Variants in KIAA1614 observed in about 807,000 individuals in gnomAD.
KIAA1614 encodes the protein uncharacterized protein KIAA1614.
In KIAA1614, 76 loss-of-function variants were observed where a neutral mutation model predicts 88.7. That is an observed-to-expected ratio of 0.86 (90% CI 0.71 to 1.04). The LOEUF is 1.04. KIAA1614 is among the 50% of genes least tolerant of loss of function. The probability of loss-of-function intolerance (pLI) is 0.00; values close to 1 mark genes in which losing one functional copy is unlikely to be tolerated. For synonymous variants in KIAA1614, 714 were observed against 675.5 expected (o/e 1.06, Z -0.88); for missense variants, 1,553 against 1,582.5 (o/e 0.98, Z 0.32).
In KIAA1614 at chr1:180,950,441, G is replaced by C. The variant is rs753174162; in HGVS notation, c.*4853G>C. 1.6e-4 allele frequency: 192 copies of C among 1,188,810 alleles called. No individual in the cohort carries two copies. Among genetic ancestry groups the C allele is most frequent in the Non-Finnish European group, 1.2e-4 (114 of 938,106 alleles). 73.6% of individuals were successfully genotyped at this position (1,188,810 alleles called of 1,614,324 possible). On this transcript the variant is annotated 3_prime_UTR_variant, in exon 9 of 9. Coordinates refer to ENST00000367588, the MANE Select transcript of KIAA1614 (RefSeq NM_020950.2). ...CCTCGAGGTGAACGGGGCCAAGGTG[G>C]CAGGGCTGGGCTTGGCTCACATTAA...
chr1:180,918,107 G>A (rs1653861599), intron 3 of KIAA1614, among the ~76,000 whole-genome samples, 193 bp downstream of exon 3: 1 of 152,116 alleles, frequency 6.6e-6, no homozygotes, highest in South Asian at 2.1e-4. Context: ...CATCCCCCAG[G>A]CTGGTGCCTC....
At chr1:180,924,376 A>G (rs1455917654) in intron 3 of KIAA1614, among the ~76,000 whole-genome samples, 1 of 152,172 alleles carries the variant, frequency 6.6e-6, no homozygotes, top group African/African-American at 2.4e-5. Flanking sequence ...GTTCTCACCA[A>G]AGGGGCAGCC....
At chr1:180,930,992 AAAGGTGATGG>A (rs552506352) in intron 4 of KIAA1614, among the ~76,000 whole-genome samples, 243 of 152,334 alleles carry the variant, frequency 1.6e-3, no homozygotes, top group Non-Finnish European at 2.6e-3. Flanking sequence ...CAGCTTGGTG[AAAGGTGATGG>A]AAGAGGAGGG....
chr1:180,915,510 C>T (rs2102252160), intron 1 of KIAA1614, among the ~76,000 whole-genome samples: 1 of 152,354 alleles, frequency 6.6e-6, no homozygotes, highest in East Asian at 1.9e-4. Flanking sequence ...TCTGAAGCTT[C>T]ATTTTGCCCG....
At chr1:180,945,243 A>C in intron 8 of KIAA1614, 60 bp from the exon 9 acceptor site, 1 of 1,521,510 alleles carries the variant, frequency 6.6e-7, no homozygotes, top group Non-Finnish European at 8.8e-7. Context: ...TAAGCCAGGG[A>C]AGAGCTGTGC....
intron 3 of KIAA1614, among the ~76,000 whole-genome samples, chr1:180,923,998 C>T (rs1654012797): frequency 6.6e-6 from 1 of 152,118 alleles, no homozygotes; most frequent in Non-Finnish European, 1.5e-5. Flanking sequence ...AATGTAACCA[C>T]TCAACAGTGT....
In KIAA1614 at chr1:180,941,201, C is replaced by G. The variant is rs1654454582; in HGVS notation, c.3075C>G (p.Arg1025=). 1 of 1,613,892 alleles carries G rather than the reference C, an allele frequency of 6.2e-7. No homozygotes were observed. The highest frequency in any genetic ancestry group is 8.5e-7 in the Non-Finnish European group (1 of 1,179,984). Residue 1025 remains arginine (R), a synonymous_variant, in exon 7 of 9, where the codon CGC becomes CGG. Coordinates refer to ENST00000367588, the MANE Select transcript of KIAA1614 (RefSeq NM_020950.2). ...CCCGGCCCAAGCTGGGCAAGTCCCG[C>G]AGCTACAGTGTGGAGCAGTTGCAGC... The part of the protein sequence containing the change: ...QSSRPKLGKS[R]SYSVEQLQPA...
intron 4 of KIAA1614, among the ~76,000 whole-genome samples, chr1:180,934,786 G>A (rs1654278172): frequency 6.6e-6 from 1 of 152,106 alleles, no homozygotes; most frequent in Non-Finnish European, 1.5e-5. Flanking sequence ...CACCACCCCA[G>A]CAACACACAC....
Position 180,936,621 on chromosome 1 carries a change from G to A in KIAA1614, c.2712G>A (p.Arg904=), listed in dbSNP as rs1316373234. ...CCGTCCACGAGGGTAGGGTGGAGAGGGGCCCCTGCAGCCGGGAACCGGAGC... is the reference window on the plus strand; with the variant it reads ...CCGTCCACGAGGGTAGGGTGGAGAGAGGCCCCTGCAGCCGGGAACCGGAGC... ...GGAVHEGRVE[R]GPCSREPEPP... Residue 904 remains arginine, a synonymous_variant, in exon 5 of 9, where the codon AGG becomes AGA. Coordinates refer to ENST00000367588, the MANE Select transcript of KIAA1614 (RefSeq NM_020950.2). The A allele has an allele frequency of 1.3e-6, 2 of 1,593,694 alleles. No individual in the cohort carries two copies. Among genetic ancestry groups the A allele is most frequent in the Non-Finnish European group, 1.7e-6 (2 of 1,171,862 alleles).
In KIAA1614 at chr1:180,950,549, G is replaced by GCCCTCA. The variant is rs528440856; in HGVS notation, c.*4963_*4968dup. 7.3e-5 allele frequency: 79 copies of GCCCTCA among 1,085,050 alleles called. 1 individual carries two copies. In the South Asian group the frequency reaches 1.6e-3, roughly 22 times the overall value. 67.2% of individuals were successfully genotyped at this position (1,085,050 alleles called of 1,614,324 possible). ...CCCACGGTGACCCAGAAGTGCCGCTGCCCTCACTGTCACGGCCTCGGAAGC... is the reference window on the plus strand; with the variant it reads ...CCCACGGTGACCCAGAAGTGCCGCTGCCCTCACCCTCACTGTCACGGCCTCGGAAGC... On this transcript the variant is annotated 3_prime_UTR_variant, in exon 9 of 9. Coordinates refer to ENST00000367588, the MANE Select transcript of KIAA1614 (RefSeq NM_020950.2).
At chr1:180,939,188 C>T (rs1173596379) in intron 6 of KIAA1614, among the ~76,000 whole-genome samples, 1 of 152,196 alleles carries the variant, frequency 6.6e-6, no homozygotes, top group African/African-American at 2.4e-5. Context: ...GCCTCAAAGC[C>T]TTGGTGAGCC....
intron 8 of KIAA1614, chr1:180,945,043 A>T: frequency 2.0e-6 from 1 of 499,976 alleles, no homozygotes. Flanking sequence ...AGGTCTCTGT[A>T]CCCCCCAAAA....
chr1:180,950,220 TG>T lies in KIAA1614; in HGVS notation c.*4634del. 1.9e-6 allele frequency: 1 copy of T among 519,780 alleles called. No individual in the cohort carries two copies. Among genetic ancestry groups the T allele is most frequent in the Non-Finnish European group, 2.8e-6 (1 of 361,904 alleles). 32.2% of individuals were successfully genotyped at this position (519,780 alleles called of 1,614,324 possible). ...GTGTGCATGCGCACAGAGAAGTGCC[TG>T]GTATGAGCACCTCCTCCCTGTGCCA... On this transcript the variant is annotated 3_prime_UTR_variant, in exon 9 of 9. Transcript: ENST00000367588.
intron 3 of KIAA1614, among the ~76,000 whole-genome samples, chr1:180,926,074 T>G (rs1420092966): frequency 6.6e-6 from 1 of 152,158 alleles, no homozygotes; most frequent in Non-Finnish European, 1.5e-5. Context: ...GCTCCAGAAG[T>G]GCAGACTTTC....
chr1:180,938,469 C>T, intron 5 of KIAA1614, 86 bp from the exon 6 acceptor site: 4 of 1,437,284 alleles, frequency 2.8e-6, no homozygotes, highest in Non-Finnish European at 2.9e-6. Flanking sequence ...TCTCACCCTC[C>T]CCCTGTTGCT....
chr1:180,944,599 A>G (rs1654546812), intron 8 of KIAA1614, 83 bp downstream of exon 8: 2 of 1,474,096 alleles, frequency 1.4e-6, no homozygotes, highest in Non-Finnish European at 1.9e-6. Flanking sequence ...CTGCCTCAGC[A>G]TCATGGCTCT....
At chr1:180,929,447 T>C (rs1654144519) in intron 4 of KIAA1614, among the ~76,000 whole-genome samples, 2 of 152,150 alleles carry the variant, frequency 1.3e-5, no homozygotes, top group Admixed American at 6.5e-5. Context: ...CCACTGGAAA[T>C]GCCCACCAGG....
At chr1:180,915,590 T>C (rs1445655694) in intron 1 of KIAA1614, among the ~76,000 whole-genome samples, 2 of 152,206 alleles carry the variant, frequency 1.3e-5, no homozygotes, top group Non-Finnish European at 2.9e-5. Context: ...CAATAACTTA[T>C]TTGCACTCTT....
intron 8 of KIAA1614, chr1:180,944,732 T>C: frequency 2.2e-6 from 1 of 462,040 alleles, no homozygotes; most frequent in South Asian, 3.1e-5. Flanking sequence ...TGAGAAGGCC[T>C]GGGGTCGCTG....
Sources: gnomAD v4.1 joint callset for allele counts (sites outside exome capture counted in the v4.1 genomes callset) on GRCh38, gnomAD v4.1.1 for gene constraint, MANE v1.5 for transcripts, NCBI Gene and HGNC (gene_info 2026-07-23, HGNC 2026-07-21) for gene names.